KCNQ3: variants seen among roughly 807,000 people sequenced by gnomAD.
The protein encoded by KCNQ3 is potassium voltage-gated channel subfamily Q member 3.
In KCNQ3, 30 loss-of-function variants were observed where a neutral mutation model predicts 92.5. The ratio of observed to expected loss-of-function variants is 0.32; its 90% CI spans 0.24 to 0.44. The LOEUF is 0.44. Among genes scored for constraint, KCNQ3 ranks in the 20% least tolerant of loss-of-function variants. The pLI is 1.00. For missense variants in KCNQ3, 913 were observed against 1,140.3 expected (o/e 0.80, Z 2.87); for synonymous variants, 450 against 468.8 (o/e 0.96, Z 0.52).
At chr8:132,134,511 AGAGGAGAAGTGAGGAGAGGAGAGGG>A (rs1825006571) in intron 12 of KCNQ3, 123 bp from the exon 13 acceptor site, 293 of 706,844 alleles carry the variant, frequency 4.1e-4, no homozygotes, top group Middle Eastern at 7.3e-4. Flanking sequence ...AGAGGAGAGG[AGAGGAGAAGTGAGGAGAGGAGAGGG>A]GAGGAGAGGA....
intron 1 of KCNQ3, among the ~76,000 whole-genome samples, chr8:132,314,991 C>T (rs890359758): frequency 3.3e-5 from 5 of 152,116 alleles, no homozygotes; most frequent in African/African-American, 1.2e-4. Context: ...AGAAAGAAGA[C>T]CATAAAGGTA....
At chr8:132,151,538 G>A (rs191611534) in intron 9 of KCNQ3, among the ~76,000 whole-genome samples, 1 of 152,264 alleles carries the variant, frequency 6.6e-6, no homozygotes, top group African/African-American at 2.4e-5. Context: ...TGTAAATTGA[G>A]CATTAAAATA....
At chr8:132,298,128 G>T (rs572012452) in intron 1 of KCNQ3, among the ~76,000 whole-genome samples, 1 of 152,296 alleles carries the variant, frequency 6.6e-6, no homozygotes, top group South Asian at 2.1e-4. Context: ...TCTACAGGGG[G>T]ATGCTGGCTA....
At chr8:132,191,152 G>T (rs1827142567) in intron 1 of KCNQ3, among the ~76,000 whole-genome samples, 1 of 151,438 alleles carries the variant, frequency 6.6e-6, no homozygotes, top group African/African-American at 2.4e-5. Flanking sequence ...TTCTGCAGAA[G>T]ATTTTTTTTA....
intron 1 of KCNQ3, among the ~76,000 whole-genome samples, chr8:132,269,248 T>C (rs1407036658): frequency 6.6e-6 from 1 of 152,194 alleles, no homozygotes; most frequent in Non-Finnish European, 1.5e-5. Context: ...TTTTCATGGG[T>C]AATGCCTTTG....
intron 1 of KCNQ3, among the ~76,000 whole-genome samples, chr8:132,257,997 G>C (rs1439735443): frequency 6.6e-6 from 1 of 151,904 alleles, no homozygotes; most frequent in African/African-American, 2.4e-5. Context: ...TGATAACAGA[G>C]CCCCAAAATA....
intron 1 of KCNQ3, among the ~76,000 whole-genome samples, chr8:132,361,721 G>A (rs1026850913): frequency 6.6e-6 from 1 of 152,032 alleles, no homozygotes; most frequent in African/African-American, 2.4e-5. Context: ...CAAAAGAACA[G>A]AAAAACAAAA....
chr8:132,246,797 G>C (rs1031548244), intron 1 of KCNQ3, among the ~76,000 whole-genome samples: 6 of 152,162 alleles, frequency 3.9e-5, no homozygotes, highest in Admixed American at 3.3e-4. Context: ...CCTCCAGAAA[G>C]TCCTCAGCAC....
chr8:132,191,287 A>C (rs886714782), intron 1 of KCNQ3, among the ~76,000 whole-genome samples: 2 of 152,116 alleles, frequency 1.3e-5, no homozygotes, highest in African/African-American at 4.8e-5. Context: ...TACAGGTCCC[A>C]AGTAGCTGGA....
intron 1 of KCNQ3, among the ~76,000 whole-genome samples, chr8:132,478,977 G>C (rs1024586191): frequency 1.3e-5 from 2 of 152,054 alleles, no homozygotes; most frequent in African/African-American, 4.8e-5. Context: ...GGGGAGAGAG[G>C]GGGGAGGGGG....
chr8:132,319,667 G>T (rs978252678), intron 1 of KCNQ3, among the ~76,000 whole-genome samples: 2 of 152,194 alleles, frequency 1.3e-5, no homozygotes, highest in Non-Finnish European at 2.9e-5. Flanking sequence ...CAGATGATGT[G>T]ATGGATGATG....
intron 1 of KCNQ3, among the ~76,000 whole-genome samples, chr8:132,268,776 G>C (rs1816065812): frequency 6.6e-6 from 1 of 152,154 alleles, no homozygotes; most frequent in East Asian, 1.9e-4. Context: ...CATATGCTAA[G>C]AATATGTTTC....
chr8:132,216,342 C>A (rs2130318561), intron 1 of KCNQ3, among the ~76,000 whole-genome samples: 1 of 152,348 alleles, frequency 6.6e-6, no homozygotes, highest in African/African-American at 2.4e-5. Context: ...AGAGAAAGTG[C>A]TGTGCACCAG....
chr8:132,459,272 T>C (rs1822008928), intron 1 of KCNQ3, among the ~76,000 whole-genome samples: 1 of 152,204 alleles, frequency 6.6e-6, no homozygotes, highest in Non-Finnish European at 1.5e-5. Flanking sequence ...GGTGTCTTAG[T>C]CCATTTAGTG....
intron 1 of KCNQ3, among the ~76,000 whole-genome samples, chr8:132,317,226 C>T (rs1482149624): frequency 6.6e-6 from 1 of 151,972 alleles, no homozygotes; most frequent in Admixed American, 6.5e-5. Flanking sequence ...ATCTACCAGG[C>T]TTGTTGTGTT....
chr8:132,194,427 A>T (rs1338578090), intron 1 of KCNQ3, among the ~76,000 whole-genome samples: 4 of 152,208 alleles, frequency 2.6e-5, no homozygotes, highest in Non-Finnish European at 5.9e-5. Flanking sequence ...AGCCCCAAAA[A>T]GGATGTTTGA....
chr8:132,427,915 T>C (rs186590786), intron 1 of KCNQ3, among the ~76,000 whole-genome samples: 2 of 152,318 alleles, frequency 1.3e-5, no homozygotes, highest in East Asian at 1.9e-4. Flanking sequence ...AAATTCCCCA[T>C]GGACCAATTA....
At chr8:132,301,736 A>T (rs1817222160) in intron 1 of KCNQ3, among the ~76,000 whole-genome samples, 1 of 152,132 alleles carries the variant, frequency 6.6e-6, no homozygotes, top group Admixed American at 6.5e-5. Flanking sequence ...ATGGGGATAC[A>T]GAAATGGGAT....
intron 1 of KCNQ3, among the ~76,000 whole-genome samples, chr8:132,425,612 T>G (rs1394349524): frequency 2.0e-5 from 3 of 152,200 alleles, no homozygotes; most frequent in Non-Finnish European, 4.4e-5. Flanking sequence ...CAAAACCTTC[T>G]TAGGGTGTAA....
Sources: gnomAD v4.1 joint callset for allele counts (sites outside exome capture counted in the v4.1 genomes callset) on GRCh38, gnomAD v4.1.1 for gene constraint, MANE v1.5 for transcripts, NCBI Gene and HGNC (gene_info 2026-07-23, HGNC 2026-07-21) for gene names.